The following LRP1B variants were observed in gnomAD, a reference collection of about 807,000 sequenced individuals.
LRP1B encodes LDL receptor related protein 1B.
A neutral mutation model predicts 556.6 loss-of-function variants in LRP1B; 217 were observed. That is an observed-to-expected ratio of 0.39 (90% CI 0.35 to 0.44). The LOEUF is 0.44. Ranked by LOEUF, LRP1B falls within the 20% of genes least tolerant of loss-of-function variation. LRP1B has a pLI of 1.00. For missense variants in LRP1B, 5,053 were observed against 5,620.8 expected, an observed-to-expected ratio of 0.90 and a Z score of 3.23; for synonymous variants, 2,047 against 1,865.8, an observed-to-expected ratio of 1.10 and a Z score of -2.50.
At chr2:140,270,190 T>A (rs957032484) in intron 86 of LRP1B, 52 bp downstream of exon 86, 2 of 1,247,922 alleles carry the variant, frequency 1.6e-6, no homozygotes, top group Non-Finnish European at 1.2e-6. Context: ...AGGGATTTCA[T>A]GTACATACAA....
intron 1 of LRP1B, among the ~76,000 whole-genome samples, chr2:141,931,480 G>A (rs1378728899): frequency 1.3e-5 from 2 of 151,920 alleles, no homozygotes; most frequent in Admixed American, 1.3e-4. Flanking sequence ...AGAAAATAGA[G>A]AAAGAACGCT....
chr2:142,127,180 T>G (rs933637365), intron 1 of LRP1B, among the ~76,000 whole-genome samples: 2 of 151,962 alleles, frequency 1.3e-5, no homozygotes, highest in African/African-American at 4.8e-5. Context: ...CATGTCTCTC[T>G]CCATTCTTAG....
chr2:140,849,459 C>G (rs1449429895), intron 29 of LRP1B, among the ~76,000 whole-genome samples: 5 of 151,036 alleles, frequency 3.3e-5, no homozygotes, highest in Non-Finnish European at 5.9e-5. Context: ...CCTATATTTT[C>G]TCTATGCAAA....
chr2:140,587,477 C>T (rs976938298), intron 43 of LRP1B, among the ~76,000 whole-genome samples: 24 of 152,216 alleles, frequency 1.6e-4, no homozygotes, highest in African/African-American at 5.8e-4. Context: ...GAGCCAGACA[C>T]AGAAAGACAA....
At chr2:141,453,812 G>C (rs573773802) in intron 3 of LRP1B, among the ~76,000 whole-genome samples, 1 of 151,926 alleles carries the variant, frequency 6.6e-6, no homozygotes, top group Admixed American at 6.6e-5. Context: ...TACTCAGGAG[G>C]CTGAGGCAGG....
chr2:140,798,791 T>C (rs1690406970), intron 32 of LRP1B, among the ~76,000 whole-genome samples: 1 of 152,170 alleles, frequency 6.6e-6, no homozygotes, highest in Non-Finnish European at 1.5e-5. Context: ...GAGCAAAATC[T>C]CCTGGAGCTG....
At chr2:140,621,258 C>T (rs1174351152) in intron 41 of LRP1B, among the ~76,000 whole-genome samples, 7 of 150,648 alleles carry the variant, frequency 4.6e-5, no homozygotes, top group African/African-American at 1.5e-4. Context: ...TGGTGGTGGG[C>T]GCCTGTAGTC....
chr2:140,882,255 G>A (rs981364025), intron 25 of LRP1B, among the ~76,000 whole-genome samples: 1 of 152,114 alleles, frequency 6.6e-6, no homozygotes, highest in African/African-American at 2.4e-5. Context: ...TAGCAACTTT[G>A]TGGGAAGTGT....
At chr2:141,964,750 C>T (rs1701506216) in intron 1 of LRP1B, among the ~76,000 whole-genome samples, 1 of 151,810 alleles carries the variant, frequency 6.6e-6, no homozygotes, top group East Asian at 2.0e-4. Context: ...CAAATGGGAT[C>T]TAATTAAACT....
chr2:141,066,311 G>A (rs969954444), intron 7 of LRP1B, among the ~76,000 whole-genome samples: 7 of 151,900 alleles, frequency 4.6e-5, no homozygotes, highest in African/African-American at 1.7e-4. Flanking sequence ...TATATGAGCA[G>A]CCCCGTTTCA....
At chr2:141,917,943 G>T (rs1327672937) in intron 1 of LRP1B, among the ~76,000 whole-genome samples, 4 of 151,994 alleles carry the variant, frequency 2.6e-5, no homozygotes, top group African/African-American at 9.7e-5. Context: ...CCATCAATGG[G>T]AGAATTGTTG....
intron 7 of LRP1B, among the ~76,000 whole-genome samples, chr2:141,135,443 A>C (rs1342811528): frequency 6.6e-6 from 1 of 152,004 alleles, no homozygotes; most frequent in East Asian, 1.9e-4. Flanking sequence ...AAAACAATGA[A>C]GCAAAAGAAA....
intron 60 of LRP1B, among the ~76,000 whole-genome samples, chr2:140,474,404 T>TA (rs1462266142): frequency 6.6e-6 from 1 of 151,912 alleles, no homozygotes; most frequent in Non-Finnish European, 1.5e-5. Flanking sequence ...TGAATTAACA[T>TA]GCAGACTTTA....
intron 1 of LRP1B, among the ~76,000 whole-genome samples, chr2:141,944,659 A>G (rs1481087216): frequency 1.3e-5 from 2 of 152,194 alleles, no homozygotes; most frequent in Non-Finnish European, 2.9e-5. Flanking sequence ...ATATATATCC[A>G]AAGAAAAAAG....
At chr2:141,497,984 TA>T (rs5834839) in intron 2 of LRP1B, among the ~76,000 whole-genome samples, 84,155 of 151,616 alleles carry the variant, frequency 0.56, 23,755 homozygotes, top group African/African-American at 0.65. Flanking sequence ...CACTAAAACT[TA>T]ACGTTAGTAT....
At chr2:141,434,284 T>A (rs976833684) in intron 3 of LRP1B, among the ~76,000 whole-genome samples, 5 of 152,278 alleles carry the variant, frequency 3.3e-5, no homozygotes, top group African/African-American at 1.2e-4. Context: ...TTTTAACTTT[T>A]TTCCTCTTGT....
chr2:141,486,616 A>C (rs955965970), intron 2 of LRP1B, among the ~76,000 whole-genome samples: 8 of 151,712 alleles, frequency 5.3e-5, no homozygotes, highest in Admixed American at 2.0e-4. Flanking sequence ...TCTACCTTAC[A>C]CGGTATTATA....
At chr2:141,096,989 G>A (rs1449805361) in intron 7 of LRP1B, among the ~76,000 whole-genome samples, 1 of 152,244 alleles carries the variant, frequency 6.6e-6, no homozygotes, top group African/African-American at 2.4e-5. Flanking sequence ...TTAAAGAGGC[G>A]AGCCGTTCCT....
At chr2:141,834,339 AT>A (rs1697199856) in intron 1 of LRP1B, among the ~76,000 whole-genome samples, 1 of 151,912 alleles carries the variant, frequency 6.6e-6, no homozygotes, top group African/African-American at 2.4e-5. Flanking sequence ...AGGTATTACA[AT>A]ACCTTCTCAG....
Sources: allele counts gnomAD v4.1 joint callset (sites outside exome capture counted in the v4.1 genomes callset), GRCh38; gene constraint gnomAD v4.1.1; transcripts MANE v1.5; gene names NCBI Gene and HGNC (gene_info 2026-07-23, HGNC 2026-07-21).